Variants in RFC1 observed in about 807,000 individuals in gnomAD.
RFC1 encodes A1 140 kDa subunit.
RFC1 carries 37 observed loss-of-function variants against 137.4 expected under a neutral mutation model. The ratio of observed to expected loss-of-function variants is 0.27; its 90% confidence interval spans 0.21 to 0.35. The LOEUF (loss-of-function observed/expected upper bound fraction) is 0.35, where lower values mean the gene tolerates loss of function less well. Ranked by LOEUF, RFC1 falls within the 10% of genes least tolerant of loss-of-function variation. The pLI, the probability that RFC1 is intolerant of heterozygous loss-of-function variation, is 1.00. For missense variants in RFC1, 1,205 were observed against 1,358.5 expected (o/e 0.89, Z 1.78); for synonymous variants, 429 against 455.7 (o/e 0.94, Z 0.75).
chr4:39,359,586 G>A (rs567483347), intron 1 of RFC1, among the ~76,000 whole-genome samples: 169 of 152,274 alleles, frequency 1.1e-3, no homozygotes, highest in African/African-American at 3.9e-3. Context: ...ACTTTAGGAG[G>A]CCGAGGCGGG....
At chr4:39,346,400 T>C (rs1160899921) in intron 2 of RFC1, among the ~76,000 whole-genome samples, 1 of 150,598 alleles carries the variant, frequency 6.6e-6, no homozygotes, top group Non-Finnish European at 1.5e-5. Context: ...CGCTTGAACC[T>C]GGGGGGCAGA....
chr4:39,346,563 C>G (rs1422887529), intron 2 of RFC1, among the ~76,000 whole-genome samples: 2 of 151,494 alleles, frequency 1.3e-5, no homozygotes, highest in Non-Finnish European at 2.9e-5. Context: ...CTAACATATT[C>G]AAATTTTCTC....
chr4:39,293,471 C>T (rs1262635282), intron 22 of RFC1, among the ~76,000 whole-genome samples: 1 of 152,114 alleles, frequency 6.6e-6, no homozygotes, highest in Non-Finnish European at 1.5e-5. Context: ...GCATCTATGA[C>T]TCCCAAAAAG....
At chr4:39,352,277 G>A (rs1741247250) in intron 1 of RFC1, among the ~76,000 whole-genome samples, 1 of 151,936 alleles carries the variant, frequency 6.6e-6, no homozygotes, top group Admixed American at 6.6e-5. Flanking sequence ...GCTTCAAATT[G>A]TTTTCCTTTA....
intron 1 of RFC1, 29 bp downstream of exon 1, chr4:39,366,210 G>A (rs368204575): frequency 2.2e-4 from 339 of 1,552,162 alleles, no homozygotes; most frequent in Middle Eastern, 3.4e-4. Context: ...CCCAGACCCC[G>A]AGCCGCACGG....
intron 12 of RFC1, among the ~76,000 whole-genome samples, 183 bp from the exon 13 acceptor site, chr4:39,309,215 C>T (rs1001604007): frequency 6.6e-6 from 1 of 152,122 alleles, no homozygotes; most frequent in African/African-American, 2.4e-5. Flanking sequence ...TAAAAATTAA[C>T]AAACACACCA....
intron 2 of RFC1, among the ~76,000 whole-genome samples, chr4:39,345,706 G>A (rs528612571): frequency 6.6e-6 from 1 of 152,188 alleles, no homozygotes; most frequent in South Asian, 2.1e-4. Flanking sequence ...ATTTTTAGTA[G>A]AGACGGGGCT....
At chr4:39,299,676 T>G (rs1560590816) in intron 21 of RFC1, among the ~76,000 whole-genome samples, 1 of 147,876 alleles carries the variant, frequency 6.8e-6, no homozygotes. Flanking sequence ...AAACAGACGA[T>G]AGTTACCACA....
rs1279946322 is a variant in RFC1 at position 39,291,951 on chromosome 4, A to G, written c.2955-99T>C. ...AGTTAATCAGGCAGAGTTCAATCCA[A>G]TTTCAATAATGCTGAATGGAATGCC... is the stretch of plus-strand genomic sequence containing the variant. On this transcript the variant is annotated intron_variant, in intron 22 of 24. Transcript: ENST00000349703. 6.0e-6 allele frequency: 5 copies of G among 840,254 alleles called. No individual in the cohort carries two copies. In the African/African-American group the frequency reaches 8.4e-5, roughly 14 times the overall value. The allele number at this position is 840,254 out of a possible 1,614,324, so 52.0% of individuals were successfully genotyped here.
intron 1 of RFC1, among the ~76,000 whole-genome samples, chr4:39,363,496 T>A (rs1741858671): frequency 6.6e-6 from 1 of 152,222 alleles, no homozygotes; most frequent in Non-Finnish European, 1.5e-5. Flanking sequence ...ATTGTGTGAA[T>A]ACACGTACTT....
chr4:39,354,358 A>G (rs983886813), intron 1 of RFC1, among the ~76,000 whole-genome samples: 12 of 152,176 alleles, frequency 7.9e-5, no homozygotes, highest in African/African-American at 2.9e-4. Flanking sequence ...TCCAATTAAC[A>G]TTTGCTGTCC....
rs747719322 is a variant in RFC1, at chr4:39,317,045, A to G, written c.1096-23T>C. On this transcript the variant is annotated intron_variant, in intron 9 of 24. Transcript: ENST00000349703. ...AGACTTTGGGAACAGGGAAAGGAAA[A>G]TGAACAAAGTCATACAGAATTCATG... The G allele has an allele frequency of 1.1e-5, 16 of 1,470,578 alleles. No homozygotes were observed. The African/African-American group carries it at 1.8e-4, about 17-fold the overall frequency. The allele number at this position is 1,470,578 out of a possible 1,614,324, so 91.1% of individuals were successfully genotyped here. A position where few individuals can be genotyped will look rare whatever the true frequency, so the allele number is the denominator to read the frequency against.
chr4:39,360,747 G>A (rs563643410), intron 1 of RFC1, among the ~76,000 whole-genome samples: 1 of 152,066 alleles, frequency 6.6e-6, no homozygotes, highest in South Asian at 2.1e-4. Flanking sequence ...AAAAAAAAAG[G>A]AGAAAGCAAA....
At chr4:39,335,556 G>A (rs1183501528) in intron 4 of RFC1, among the ~76,000 whole-genome samples, 1 of 152,106 alleles carries the variant, frequency 6.6e-6, no homozygotes, top group African/African-American at 2.4e-5. Flanking sequence ...TGATAAATAA[G>A]AGAAAAAAGT....
At chr4:39,330,552 C>G (rs759746508) in intron 4 of RFC1, among the ~76,000 whole-genome samples, 4 of 152,192 alleles carry the variant, frequency 2.6e-5, no homozygotes, top group African/African-American at 4.8e-5. Flanking sequence ...ATCAGCTAGA[C>G]CAGGAGTGAG....
chr4:39,295,643 A>T lies in RFC1; in HGVS notation c.2925T>A (p.Val975=). 1 of 1,613,172 alleles carries T rather than the reference A, an allele frequency of 6.2e-7. No homozygotes were observed. Among genetic ancestry groups the T allele is most frequent in the Non-Finnish European group, 8.5e-7 (1 of 1,179,520 alleles). ...HSSTGKHDRI[V]QDLALHMSLR... is the part of the protein sequence containing the mutation. ...GACTCATATGCAAGGCCAGGTCCTG[A>T]ACAATACGATCATGTTTGCCTGTAG... Residue 975 remains valine, a synonymous_variant, in exon 22 of 25, where the codon GTT becomes GTA. Transcript: ENST00000349703.
chr4:39,316,209 A>G (rs1739234337), intron 10 of RFC1, among the ~76,000 whole-genome samples: 1 of 152,204 alleles, frequency 6.6e-6, no homozygotes. Context: ...CAGCCTGGGC[A>G]ACAGGAGCGA....
At chr4:39,292,679 T>G (rs1737750742) in intron 22 of RFC1, among the ~76,000 whole-genome samples, 1 of 151,850 alleles carries the variant, frequency 6.6e-6, no homozygotes, top group Non-Finnish European at 1.5e-5. Flanking sequence ...CTCACTCTTG[T>G]TGCCCAGGCT....
At chr4:39,319,202 T>C (rs957523355) in intron 9 of RFC1, among the ~76,000 whole-genome samples, 1 of 152,132 alleles carries the variant, frequency 6.6e-6, no homozygotes, top group African/African-American at 2.4e-5. Context: ...TAGGTACTAT[T>C]ATTATTATTC....
Sources: gnomAD v4.1 joint callset for allele counts (sites outside exome capture counted in the v4.1 genomes callset) on GRCh38, gnomAD v4.1.1 for gene constraint, MANE v1.5 for transcripts, NCBI Gene and HGNC (gene_info 2026-07-23, HGNC 2026-07-21) for gene names.